FHIT: variants seen among roughly 807,000 people sequenced by gnomAD.
FHIT encodes the protein bis(5'-adenosyl)-triphosphatase.
FHIT carries 19 observed loss-of-function variants against 17.9 expected under a neutral mutation model. The ratio of observed to expected loss-of-function variants is 1.06; its 90% confidence interval spans 0.74 to 1.56. The LOEUF is 1.56. Among genes scored for constraint, FHIT ranks in the 40% most tolerant of loss-of-function variants. The pLI, the probability that FHIT is intolerant of heterozygous loss-of-function variation, is 0.00. For missense variants in FHIT, 248 were observed against 189.2 expected, an observed-to-expected ratio of 1.31 and a Z score of -1.82; for synonymous variants, 81 against 69.7, an observed-to-expected ratio of 1.16 and a Z score of -0.81.
At chr3:59,762,817 G>C (rs533845026) in intron 8 of FHIT, among the ~76,000 whole-genome samples, 61 of 152,266 alleles carry the variant, frequency 4.0e-4, no homozygotes, top group Admixed American at 1.4e-3. Context: ...CATCATATCT[G>C]AACCCTTCTG....
At chr3:60,136,736 A>G (rs1699833262) in intron 5 of FHIT, among the ~76,000 whole-genome samples, 2 of 152,180 alleles carry the variant, frequency 1.3e-5, no homozygotes, top group African/African-American at 4.8e-5. Context: ...TCAGCCCACG[A>G]AATGAGTTGG....
At chr3:60,708,619 G>C (rs2041434877) in intron 4 of FHIT, among the ~76,000 whole-genome samples, 1 of 152,132 alleles carries the variant, frequency 6.6e-6, no homozygotes. Context: ...ACTGGCTGGA[G>C]GCTGTTCTAA....
chr3:60,673,693 T>C (rs2040560794), intron 4 of FHIT, among the ~76,000 whole-genome samples: 1 of 152,138 alleles, frequency 6.6e-6, no homozygotes, highest in African/African-American at 2.4e-5. Context: ...ATAAAATAAA[T>C]TTAAATTTAA....
chr3:60,757,707 T>G (rs1267472001), intron 4 of FHIT, among the ~76,000 whole-genome samples: 1 of 152,194 alleles, frequency 6.6e-6, no homozygotes, highest in African/African-American at 2.4e-5. Flanking sequence ...CTCATGGGTC[T>G]GGTATACCAC....
At chr3:60,238,813 A>C (rs1326757263) in intron 5 of FHIT, among the ~76,000 whole-genome samples, 9 of 152,146 alleles carry the variant, frequency 5.9e-5, no homozygotes, top group Admixed American at 5.9e-4. Flanking sequence ...ACAAAGCAAA[A>C]AGAAAAGTAT....
chr3:60,621,046 A>T (rs149017770), intron 4 of FHIT, among the ~76,000 whole-genome samples: 12 of 152,256 alleles, frequency 7.9e-5, no homozygotes, highest in African/African-American at 2.9e-4. Context: ...ATCCAGACTA[A>T]AACATTTAAC....
At chr3:60,805,238 C>T (rs1464773494) in intron 4 of FHIT, among the ~76,000 whole-genome samples, 2 of 152,154 alleles carry the variant, frequency 1.3e-5, no homozygotes, top group Admixed American at 1.3e-4. Flanking sequence ...ATGTCAATTA[C>T]CACCTTAGTC....
At chr3:59,786,284 T>G (rs2106905410) in intron 8 of FHIT, among the ~76,000 whole-genome samples, 1 of 152,302 alleles carries the variant, frequency 6.6e-6, no homozygotes, top group Middle Eastern at 3.4e-3. Flanking sequence ...CCACTTAAAG[T>G]GTCAGAATTT....
chr3:60,310,201 A>G (rs967053703), intron 5 of FHIT, among the ~76,000 whole-genome samples: 1 of 152,190 alleles, frequency 6.6e-6, no homozygotes, highest in Non-Finnish European at 1.5e-5. Context: ...CACAGAGCCC[A>G]TGACCTGTTA....
chr3:61,046,556 A>G (rs973246865), intron 2 of FHIT, among the ~76,000 whole-genome samples: 3 of 152,250 alleles, frequency 2.0e-5, no homozygotes, highest in African/African-American at 7.2e-5. Context: ...GAATTCTACC[A>G]GAGGTACAAA....
At chr3:60,797,385 G>A (rs1258909646) in intron 4 of FHIT, among the ~76,000 whole-genome samples, 6 of 152,202 alleles carry the variant, frequency 3.9e-5, no homozygotes, top group Non-Finnish European at 8.8e-5. Context: ...GATTTGAGCA[G>A]TGGAAAGGCA....
chr3:60,118,307 G>A (rs1289672383), intron 5 of FHIT, among the ~76,000 whole-genome samples: 2 of 150,658 alleles, frequency 1.3e-5, no homozygotes, highest in Non-Finnish European at 3.0e-5. Flanking sequence ...GTAGAGACAG[G>A]GTCTTTTCCA....
intron 5 of FHIT, among the ~76,000 whole-genome samples, chr3:60,175,056 A>G (rs1041469588): frequency 6.6e-6 from 1 of 152,210 alleles, no homozygotes; most frequent in African/African-American, 2.4e-5. Flanking sequence ...TATCCACTGC[A>G]TGCTCTCCAC....
intron 5 of FHIT, among the ~76,000 whole-genome samples, chr3:60,143,757 C>A (rs911282369): frequency 6.6e-6 from 1 of 152,052 alleles, no homozygotes; most frequent in Non-Finnish European, 1.5e-5. Context: ...ACTTATTAAC[C>A]TTGTTACTGT....
intron 2 of FHIT, among the ~76,000 whole-genome samples, chr3:61,117,820 A>T (rs764890362): frequency 2.6e-5 from 4 of 152,102 alleles, no homozygotes; most frequent in Admixed American, 1.3e-4. Context: ...CTAATTGCCT[A>T]TGTTCCCTTT....
intron 2 of FHIT, among the ~76,000 whole-genome samples, chr3:61,061,242 T>C (rs1169298838): frequency 3.3e-5 from 5 of 152,192 alleles, no homozygotes; most frequent in African/African-American, 1.2e-4. Context: ...AGTCTCCCAA[T>C]CTGCTAGTTT....
At chr3:60,077,791 A>C (rs569195212) in intron 5 of FHIT, among the ~76,000 whole-genome samples, 3 of 151,652 alleles carry the variant, frequency 2.0e-5, no homozygotes, top group African/African-American at 7.3e-5. Context: ...CTAGAGATCT[A>C]ATATACAATA....
intron 1 of FHIT, among the ~76,000 whole-genome samples, chr3:61,201,214 G>A (rs535513964): frequency 2.6e-5 from 4 of 152,186 alleles, no homozygotes; most frequent in African/African-American, 7.2e-5. Flanking sequence ...GCCTTCTCTC[G>A]GAAGAAACTC....
At chr3:61,071,524 T>C (rs1464901223) in intron 2 of FHIT, among the ~76,000 whole-genome samples, 4 of 152,212 alleles carry the variant, frequency 2.6e-5, no homozygotes, top group Non-Finnish European at 4.4e-5. Context: ...CTTTCTAATA[T>C]ATTTTGTTAT....
Sources: gnomAD v4.1 joint callset for allele counts (sites outside exome capture counted in the v4.1 genomes callset) on GRCh38, gnomAD v4.1.1 for gene constraint, MANE v1.5 for transcripts, NCBI Gene and HGNC (gene_info 2026-07-23, HGNC 2026-07-21) for gene names.